CERS6: variants seen among roughly 807,000 people sequenced by gnomAD.
CERS6 encodes LAG1 homolog, ceramide synthase 6.
In CERS6, 26 loss-of-function variants were observed where a neutral mutation model predicts 56.8. The ratio of observed to expected loss-of-function variants is 0.46; its 90% confidence interval spans 0.34 to 0.63. The LOEUF (loss-of-function observed/expected upper bound fraction) is 0.63. Among genes scored for constraint, CERS6 ranks in the 30% least tolerant of loss-of-function variants. CERS6 has a pLI of 0.01. For synonymous variants in CERS6, 164 were observed against 173.3 expected, an observed-to-expected ratio of 0.95 and a Z score of 0.42; for missense variants, 415 against 467.5, an observed-to-expected ratio of 0.89 and a Z score of 1.04.
chr2:168,718,150 T>C (rs1687273796), intron 8 of CERS6, among the ~76,000 whole-genome samples, 172 bp downstream of exon 8: 1 of 152,172 alleles, frequency 6.6e-6, no homozygotes, highest in Non-Finnish European at 1.5e-5. Flanking sequence ...GTTGCACTCT[T>C]TACTAATGAT....
At chr2:168,565,767 T>C (rs946318908) in intron 3 of CERS6, among the ~76,000 whole-genome samples, 2 of 152,206 alleles carry the variant, frequency 1.3e-5, no homozygotes, top group Non-Finnish European at 2.9e-5. Flanking sequence ...TCATTCACAG[T>C]CATGTCAGTT....
At chr2:168,559,275 C>A (rs1219410990) in intron 2 of CERS6, among the ~76,000 whole-genome samples, 7 of 151,922 alleles carry the variant, frequency 4.6e-5, no homozygotes, top group Admixed American at 1.3e-4. Context: ...CATTTTGTAC[C>A]CTACAGTGAT....
chr2:168,741,272 G>T (rs1018613936), intron 8 of CERS6, among the ~76,000 whole-genome samples: 5 of 151,396 alleles, frequency 3.3e-5, no homozygotes, highest in Non-Finnish European at 7.4e-5. Flanking sequence ...GTGTTATTTT[G>T]AATAGGGTTT....
intron 6 of CERS6, among the ~76,000 whole-genome samples, chr2:168,708,718 A>G (rs1687017652): frequency 6.6e-6 from 1 of 152,032 alleles, no homozygotes; most frequent in South Asian, 2.1e-4. Flanking sequence ...CTTCAGAAGT[A>G]TTTCATATTC....
Position 168,657,702 on chromosome 2 carries a change from C to T in CERS6, c.465+26660C>T, listed in dbSNP as rs186679844. 8.9e-3 allele frequency among the ~76,000 whole-genome samples: 1,353 copies of T among 152,336 alleles called. 10 individuals carry two copies. Among genetic ancestry groups the T allele is most frequent in the Non-Finnish European group, 0.015 (989 of 68,014 alleles). ...CCCGGGTGCTAAGTCCCCCATTGCC[C>T]GGGGCCAGCAGGGCAGGCTGGCTGC... On this transcript the variant is annotated intron_variant, in intron 4 of 9. Transcript: ENST00000305747.
chr2:168,585,568 C>A (rs1683521610), intron 3 of CERS6, among the ~76,000 whole-genome samples: 1 of 152,188 alleles, frequency 6.6e-6, no homozygotes, highest in South Asian at 2.1e-4. Flanking sequence ...GAAGGCAGGT[C>A]ATATAGGGAA....
rs1684496972 is a variant in CERS6, at chr2:168,759,171, A to AAT, written c.846-6420_846-6419dup. The stretch of plus-strand genomic sequence containing the variant: ...AGGTGTATCAGGGCATCAGCAGTGA[A>AAT]ATGCATGGAGCACAGCTTTGCCCTG... On this transcript the variant is annotated intron_variant, in intron 8 of 9. Coordinates refer to ENST00000305747, the MANE Select transcript of CERS6 (RefSeq NM_203463.3). 5.9e-5 allele frequency among the ~76,000 whole-genome samples: 9 copies of AAT among 152,288 alleles called. No homozygotes were observed. In the South Asian group the frequency reaches 1.9e-3, roughly 32 times the overall value.
intron 1 of CERS6, among the ~76,000 whole-genome samples, chr2:168,471,391 G>GTTAT (rs1157892964): frequency 6.6e-6 from 1 of 152,106 alleles, no homozygotes; most frequent in African/African-American, 2.4e-5. Context: ...CACTTTCAAT[G>GTTAT]TTATTTATTA....
chr2:168,553,513 T>A (rs1373489778), intron 2 of CERS6, among the ~76,000 whole-genome samples: 3 of 152,136 alleles, frequency 2.0e-5, no homozygotes, highest in African/African-American at 7.2e-5. Context: ...GTTATGTGAT[T>A]GTAGGCCTTT....
chr2:168,774,380 A>G lies in CERS6; in HGVS notation c.*4718A>G, dbSNP rs1457902530. ...GCTTGTGGATCAGTTGTACACCCAC[A>G]CTTCCTTCTCTGCCTAATTCCGTTT... On this transcript the variant is annotated 3_prime_UTR_variant, in exon 10 of 10. Transcript: ENST00000305747. 1 of 152,176 alleles carries G rather than the reference A, an allele frequency of 6.6e-6. No homozygotes were observed. The highest frequency in any genetic ancestry group is 2.4e-5 in the African/African-American group (1 of 41,418). 9.4% of individuals were successfully genotyped at this position (152,176 alleles called of 1,614,324 possible).
At chr2:168,502,574 G>C (rs1694602534) in intron 1 of CERS6, among the ~76,000 whole-genome samples, 2 of 152,134 alleles carry the variant, frequency 1.3e-5, no homozygotes, top group South Asian at 2.1e-4. Flanking sequence ...AGTCTGAAAG[G>C]CATCCAAGAG....
intron 3 of CERS6, among the ~76,000 whole-genome samples, chr2:168,628,632 C>G (rs1574111172): frequency 1.3e-5 from 2 of 152,286 alleles, no homozygotes; most frequent in East Asian, 3.9e-4. Flanking sequence ...GATTCTGTTG[C>G]TGCCTCAAGA....
Position 168,717,898 on chromosome 2 carries a change from G to T in CERS6, c.765G>T (p.Lys255Asn), listed in dbSNP as rs756493111. 1.9e-6 allele frequency: 3 copies of T among 1,613,642 alleles called. No individual in the cohort carries two copies. The highest frequency in any genetic ancestry group is 2.5e-6 in the Non-Finnish European group (3 of 1,179,740). ...CTGCCAAAATGGCAAATTATGCCAA[G>T]TTTCAGAAAATGTGTGATCTCCTGT... ...LEAAKMANYA[K>N]FQKMCDLLFV... Residue 255 changes from lysine (K) to asparagine (N), a missense_variant, in exon 8 of 10, where the codon AAG (lysine) becomes AAT (asparagine). Transcript: ENST00000305747.
chr2:168,521,396 T>G (rs1331998427), intron 1 of CERS6, among the ~76,000 whole-genome samples: 1 of 152,176 alleles, frequency 6.6e-6, no homozygotes, highest in Non-Finnish European at 1.5e-5. Context: ...CCCTGTAAGC[T>G]TGATAGATTT....
chr2:168,638,403 C>A (rs1442442886), intron 4 of CERS6, among the ~76,000 whole-genome samples: 2 of 150,506 alleles, frequency 1.3e-5, no homozygotes, highest in African/African-American at 4.9e-5. Context: ...TCCCAGTTAC[C>A]CTGATTTGAC....
At chr2:168,479,063 A>G (rs577298468) in intron 1 of CERS6, among the ~76,000 whole-genome samples, 1 of 152,276 alleles carries the variant, frequency 6.6e-6, no homozygotes. Flanking sequence ...TCCTAACATC[A>G]TTTACTAAAT....
At chr2:168,485,973 C>T (rs568326836) in intron 1 of CERS6, among the ~76,000 whole-genome samples, 89 of 152,246 alleles carry the variant, frequency 5.8e-4, no homozygotes, top group African/African-American at 2.1e-3. Context: ...TTTGTATTTC[C>T]ACCAACAGTG....
chr2:168,464,690 G>A (rs1435181248), intron 1 of CERS6, among the ~76,000 whole-genome samples: 2 of 143,642 alleles, frequency 1.4e-5, no homozygotes, highest in Admixed American at 1.4e-4. Flanking sequence ...GAGGGATAGA[G>A]CCTAAATTAA....
chr2:168,647,320 T>G (rs918364838), intron 4 of CERS6, among the ~76,000 whole-genome samples: 1 of 152,188 alleles, frequency 6.6e-6, no homozygotes, highest in African/African-American at 2.4e-5. Context: ...GGCTCTTGGC[T>G]TGACTGTTGT....
Sources: allele counts gnomAD v4.1 joint callset (sites outside exome capture counted in the v4.1 genomes callset), GRCh38; gene constraint gnomAD v4.1.1; transcripts MANE v1.5; gene names NCBI Gene and HGNC (gene_info 2026-07-23, HGNC 2026-07-21).